FBP2: variants seen among roughly 807,000 people sequenced by gnomAD.
The protein encoded by FBP2 is fructose-bisphosphatase 2, also known as fructose-1,6-bisphosphatase isozyme 2.
FBP2 carries 27 observed loss-of-function variants against 31.6 expected under a neutral mutation model. The observed-to-expected ratio is 0.85, with a 90% CI of 0.63 to 1.18. FBP2 has a LOEUF of 1.18. Among genes scored for constraint, FBP2 ranks in the 50% most tolerant of loss-of-function variants. FBP2 has a pLI of 0.00. For synonymous variants in FBP2, 168 were observed against 179.8 expected (o/e 0.93, Z 0.53); for missense variants, 421 against 436.1 (o/e 0.97, Z 0.31).
intron 5 of FBP2, among the ~76,000 whole-genome samples, chr9:94,565,384 A>AG: frequency 6.9e-6 from 1 of 145,294 alleles, no homozygotes; most frequent in African/African-American, 2.7e-5. Flanking sequence ...AAAAAAAAAA[A>AG]AAGATGTTCC....
At position 94,561,450 on chromosome 9, in the gene FBP2, C is replaced by T. The variant is rs564296552; in HGVS notation, c.825+1892G>A. ...CGATCTCGGCTCACTGCAAGCTCCG[C>T]CTCCCAGGTTCACGCCATTCTCCTG... On this transcript the variant is annotated intron_variant, in intron 6 of 6. Coordinates refer to ENST00000375337, the MANE Select transcript of FBP2 (RefSeq NM_003837.4). 1.1e-4 allele frequency among the ~76,000 whole-genome samples: 17 copies of T among 148,738 alleles called. No homozygotes were observed. In the South Asian group the frequency reaches 3.6e-3, roughly 32 times the overall value.
At chr9:94,579,169 C>T (rs554164735) in intron 3 of FBP2, among the ~76,000 whole-genome samples, 71 of 148,118 alleles carry the variant, frequency 4.8e-4, no homozygotes, top group Middle Eastern at 7.2e-3. Flanking sequence ...GAGGCCAAGG[C>T]GGGCAGATAA....
At chr9:94,560,403 C>T (rs1007998580) in intron 6 of FBP2, among the ~76,000 whole-genome samples, 5 of 152,138 alleles carry the variant, frequency 3.3e-5, no homozygotes, top group Admixed American at 1.3e-4. Context: ...GATGTCATGA[C>T]GCCCCCAGCC....
At chr9:94,565,781 TAGATAGATGATA>T (rs1396262731) in intron 5 of FBP2, among the ~76,000 whole-genome samples, 13 of 140,496 alleles carry the variant, frequency 9.3e-5, no homozygotes, top group East Asian at 4.5e-4. Flanking sequence ...GATAGATAGA[TAGATAGATGATA>T]GATAGGTGAG....
chr9:94,570,516 T>TA (rs141197781), intron 4 of FBP2: 1 of 152,184 alleles, frequency 6.6e-6, no homozygotes, highest in Non-Finnish European at 1.5e-5. Flanking sequence ...TCCTACCACT[T>TA]ACGAAGAATT....
Position 94,593,494 on chromosome 9 carries a change from G to A in FBP2, c.170+63C>T. On this transcript the variant is annotated intron_variant, in intron 1 of 6. Transcript: ENST00000375337. ...CCAGTTTCTTGCCAAAGCACCTGCA[G>A]CTCCCACACCCCTGCCTGGGCCTGG... is the stretch of plus-strand genomic sequence containing the variant. 2.7e-6 allele frequency: 4 copies of A among 1,488,954 alleles called. No individual in the cohort carries two copies. In the East Asian group the frequency reaches 9.5e-5, roughly 35 times the overall value. The allele number at this position is 1,488,954 out of a possible 1,614,324, so 92.2% of individuals were successfully genotyped here.
intron 3 of FBP2, among the ~76,000 whole-genome samples, chr9:94,572,655 A>T (rs941167285): frequency 6.6e-6 from 1 of 152,048 alleles, no homozygotes; most frequent in Non-Finnish European, 1.5e-5. Context: ...CTGTCTGTTT[A>T]CCCATCACCT....
chr9:94,593,460 G>A, intron 1 of FBP2, 97 bp downstream of exon 1: 3 of 1,207,124 alleles, frequency 2.5e-6, no homozygotes, highest in East Asian at 5.1e-5. Flanking sequence ...GGGCCAATAA[G>A]CTTTGGACCC....
At chr9:94,575,273 T>C (rs1827305525) in intron 3 of FBP2, among the ~76,000 whole-genome samples, 1 of 152,206 alleles carries the variant, frequency 6.6e-6, no homozygotes, top group South Asian at 2.1e-4. Flanking sequence ...CCAGGCCTAG[T>C]AGTCTCTTCC....
chr9:94,563,612 T>C, intron 5 of FBP2, 151 bp from the exon 6 acceptor site: 1 of 855,202 alleles, frequency 1.2e-6, no homozygotes, highest in South Asian at 1.8e-5. Context: ...ATTATATAAT[T>C]GTGCATTTCA....
chr9:94,584,688 C>T lies in FBP2; in HGVS notation c.334-19G>A, dbSNP rs1587845009. ...ATTTCCCCTAAATCAGAGAGGAAAG[C>T]ACCAACTGATCAGCACATCTTCCCA... is the stretch of plus-strand genomic sequence containing the variant. On this transcript the variant is annotated intron_variant, in intron 2 of 6. Transcript: ENST00000375337. The T allele has an allele frequency of 1.3e-6, 2 of 1,493,556 alleles. No homozygotes were observed. The highest frequency in any genetic ancestry group is 2.3e-5 in the East Asian group (1 of 44,362). The allele number at this position is 1,493,556 out of a possible 1,614,324, so 92.5% of individuals were successfully genotyped here.
chr9:94,567,195 C>T, intron 5 of FBP2, 75 bp downstream of exon 5: 1 of 1,522,976 alleles, frequency 6.6e-7, no homozygotes, highest in Non-Finnish European at 9.1e-7. Context: ...CAGCAAAGCC[C>T]CTGAAGCCAC....
chr9:94,579,498 A>C (rs1216158457), intron 3 of FBP2, among the ~76,000 whole-genome samples: 1 of 151,974 alleles, frequency 6.6e-6, no homozygotes, highest in Non-Finnish European at 1.5e-5. Flanking sequence ...CAAAAAGTTT[A>C]AGCATGTCAT....
intron 3 of FBP2, among the ~76,000 whole-genome samples, chr9:94,575,865 C>T (rs551976338): frequency 3.3e-5 from 5 of 152,282 alleles, no homozygotes; most frequent in Non-Finnish European, 7.3e-5. Context: ...GGCAGCTTAA[C>T]TTCATAATAT....
At chr9:94,561,656 C>T (rs948473894) in intron 6 of FBP2, among the ~76,000 whole-genome samples, 1 of 152,156 alleles carries the variant, frequency 6.6e-6, no homozygotes, top group African/African-American at 2.4e-5. Flanking sequence ...TGAGCCACCG[C>T]AGCCAGCCAT....
chr9:94,591,080 A>G (rs1587847452), intron 1 of FBP2, among the ~76,000 whole-genome samples: 1 of 152,256 alleles, frequency 6.6e-6, no homozygotes. Flanking sequence ...AGCTGGCTTC[A>G]CCTAGTGGAT....
intron 3 of FBP2, among the ~76,000 whole-genome samples, chr9:94,572,291 T>C (rs1189859680): frequency 2.0e-5 from 3 of 152,130 alleles, no homozygotes; most frequent in Non-Finnish European, 1.5e-5. Context: ...TCTTAGCTGC[T>C]ACATTTGTAT....
At chr9:94,572,084 C>T (rs1246662807) in intron 3 of FBP2, among the ~76,000 whole-genome samples, 1 of 152,138 alleles carries the variant, frequency 6.6e-6, no homozygotes, top group Non-Finnish European at 1.5e-5. Flanking sequence ...CTGCACAACT[C>T]GCCCAGCAGC....
rs1827523193 is a variant in FBP2 at position 94,593,478 on chromosome 9, T to G, written c.170+79A>C. 6.4e-6 allele frequency: 9 copies of G among 1,408,074 alleles called. No homozygotes were observed. The South Asian group carries it at 1.3e-4, about 21-fold the overall frequency. The allele number at this position is 1,408,074 out of a possible 1,614,324, so 87.2% of individuals were successfully genotyped here. A position where few individuals can be genotyped will look rare whatever the true frequency, so the allele number is the denominator to read the frequency against. The stretch of plus-strand genomic sequence containing the variant: ...CCAATAAGCTTTGGACCCAGTTTCT[T>G]GCCAAAGCACCTGCAGCTCCCACAC... On this transcript the variant is annotated intron_variant, in intron 1 of 6. Coordinates refer to ENST00000375337, the MANE Select transcript of FBP2 (RefSeq NM_003837.4).
Sources: gnomAD v4.1 joint callset for allele counts (sites outside exome capture counted in the v4.1 genomes callset) on GRCh38, gnomAD v4.1.1 for gene constraint, MANE v1.5 for transcripts, NCBI Gene and HGNC (gene_info 2026-07-23, HGNC 2026-07-21) for gene names.